Variants in DSG2 observed in about 807,000 individuals in gnomAD.
DSG2 encodes the protein desmoglein 2.
In DSG2, 45 loss-of-function variants were observed where a neutral mutation model predicts 75.6. That is an observed-to-expected ratio of 0.60 (90% confidence interval 0.47 to 0.76). The LOEUF (loss-of-function observed/expected upper bound fraction) is 0.76. DSG2 is among the 30% of genes least tolerant of loss of function. DSG2 has a pLI of 0.00. For missense variants in DSG2, 1,267 were observed against 1,357.4 expected (o/e 0.93, Z 1.05); for synonymous variants, 429 against 483.9 (o/e 0.89, Z 1.49).
At chr18:31,519,733 T>C in intron 2 of DSG2, 70 bp from the exon 3 acceptor site, 1 of 1,535,890 alleles carries the variant, frequency 6.5e-7, no homozygotes, top group Non-Finnish European at 9.0e-7. Flanking sequence ...TTTATTATGT[T>C]ATAGGACAGC....
intron 1 of DSG2, among the ~76,000 whole-genome samples, chr18:31,507,395 C>A (rs1282119272): frequency 1.3e-5 from 2 of 152,168 alleles, no homozygotes; most frequent in African/African-American, 4.8e-5. Context: ...CATATGTGTG[C>A]ATGTGTCTTT....
chr18:31,538,891 G>T lies in DSG2; in HGVS notation c.1792G>T (p.Gly598Cys). 2 of 1,614,132 alleles carry T rather than the reference G, an allele frequency of 1.2e-6. No homozygotes were observed. The highest frequency in any genetic ancestry group is 1.7e-6 in the Non-Finnish European group (2 of 1,180,034). The change falls in exon 12 of 15, where the codon GGC (glycine) becomes TGC (cysteine). Residue 598 changes from glycine to cysteine, a missense_variant. By Grantham distance (159) the Gly-to-Cys change is radical. Transcript: ENST00000261590. ...LTVCECLHGS[G>C]CREAQHDSYV... is the part of the protein sequence containing the mutation. ...AGTTTGTGAGTGTCTGCATGGCAGC[G>T]GCTGCAGGGAAGCACAGCATGACTC...
At chr18:31,512,611 A>C (rs190226314) in intron 1 of DSG2, among the ~76,000 whole-genome samples, 7 of 152,350 alleles carry the variant, frequency 4.6e-5, no homozygotes, top group Non-Finnish European at 1.0e-4. Flanking sequence ...TAAAACCCAA[A>C]GTCCTCTCCC....
In DSG2 at chr18:31,501,562, A is replaced by G. The variant is rs115500955; in HGVS notation, c.45+3266A>G. Reference sequence around the variant, plus strand: ...CCCTCCTTTCCTCTTCCAAGTGCATACTGGTTTGTTGGCAATCTTTGTCAT... The same window carrying G: ...CCCTCCTTTCCTCTTCCAAGTGCATGCTGGTTTGTTGGCAATCTTTGTCAT... On this transcript the variant is annotated intron_variant, in intron 1 of 14. Coordinates refer to ENST00000261590, the MANE Select transcript of DSG2 (RefSeq NM_001943.5). 7.9e-3 allele frequency among the ~76,000 whole-genome samples: 1,195 copies of G among 152,162 alleles called. 14 individuals carry two copies. The highest frequency in any genetic ancestry group is 0.027 in the African/African-American group (1,109 of 41,490).
intron 3 of DSG2, 87 bp downstream of exon 3, chr18:31,520,024 A>G: frequency 6.6e-7 from 1 of 1,525,036 alleles, no homozygotes; most frequent in Non-Finnish European, 9.1e-7. Context: ...AGATTTAAGG[A>G]AAATGTATGA....
intron 9 of DSG2, among the ~76,000 whole-genome samples, chr18:31,531,925 C>T (rs1033785755): frequency 2.6e-5 from 4 of 152,324 alleles, no homozygotes; most frequent in African/African-American, 9.6e-5. Flanking sequence ...TGCCGTGCCA[C>T]GGAAAGACCA....
chr18:31,527,787 T>C (rs925744559), intron 8 of DSG2, among the ~76,000 whole-genome samples: 1 of 152,186 alleles, frequency 6.6e-6, no homozygotes, highest in African/African-American at 2.4e-5. Flanking sequence ...CAACAGAAAT[T>C]TATTTCTCAC....
Position 31,542,541 on chromosome 18 carries a change from G to A in DSG2, c.2023G>A (p.Val675Met). 1 of 1,614,084 alleles carries A rather than the reference G, an allele frequency of 6.2e-7. No individual in the cohort carries two copies. Among genetic ancestry groups the A allele is most frequent in the Non-Finnish European group, 8.5e-7 (1 of 1,180,034 alleles). ...EDKVVPSFLP[V>M]DQGGSLVGRN... ...ACAGGTGGTGCCATCATTTCTGCCA[G>A]TGGATCAAGGGGGCAGTCTAGTAGG... Residue 675 changes from valine to methionine, a missense_variant, in exon 14 of 15, where the codon GTG becomes ATG. By Grantham distance (21) the Val-to-Met change is conservative. Transcript: ENST00000261590.
At chr18:31,498,957 T>A (rs1266843523) in intron 1 of DSG2, among the ~76,000 whole-genome samples, 1 of 152,148 alleles carries the variant, frequency 6.6e-6, no homozygotes, top group Non-Finnish European at 1.5e-5. Context: ...GCCTTATTCA[T>A]TTAAAAGGTT....
intron 8 of DSG2, among the ~76,000 whole-genome samples, chr18:31,529,927 T>C (rs1339610685): frequency 6.6e-6 from 1 of 152,108 alleles, no homozygotes; most frequent in Non-Finnish European, 1.5e-5. Context: ...ATAGCCCAAA[T>C]GCCTAATTAT....
In DSG2 at chr18:31,535,267, C is replaced by G. The variant is rs924912536; in HGVS notation, c.1281-3C>G. The G allele has an allele frequency of 1.3e-6, 2 of 1,567,952 alleles. No individual in the cohort carries two copies. The highest frequency in any genetic ancestry group is 1.8e-6 in the Non-Finnish European group (2 of 1,141,086). On this transcript the variant is annotated splice_polypyrimidine_tract_variant and splice_region_variant and intron_variant, in intron 9 of 14. Coordinates refer to ENST00000261590, the MANE Select transcript of DSG2 (RefSeq NM_001943.5). ...AATTAATTTTATGTTTGTTTTATGA[C>G]AGATATGTAAAATTAGAAGATAGAG...
At chr18:31,518,059 G>T (rs929017592) in intron 1 of DSG2, among the ~76,000 whole-genome samples, 180 bp from the exon 2 acceptor site, 2 of 152,072 alleles carry the variant, frequency 1.3e-5, no homozygotes, top group African/African-American at 4.8e-5. Flanking sequence ...ATTTCTCCTC[G>T]GGCACTTCCC....
At chr18:31,545,459 T>TA (rs1356328156) in intron 14 of DSG2, among the ~76,000 whole-genome samples, 2 of 152,194 alleles carry the variant, frequency 1.3e-5, no homozygotes, top group African/African-American at 2.4e-5. Flanking sequence ...GCATTCCATT[T>TA]AGTTGTCCTG....
chr18:31,541,130 C>G, intron 12 of DSG2, 63 bp from the exon 13 acceptor site: 1 of 1,608,484 alleles, frequency 6.2e-7, no homozygotes, highest in Admixed American at 1.7e-5. Flanking sequence ...CAAAATTGTG[C>G]AATATAAATT....
At chr18:31,526,442 A>G (rs1250668033) in intron 8 of DSG2, among the ~76,000 whole-genome samples, 2 of 152,316 alleles carry the variant, frequency 1.3e-5, no homozygotes, top group African/African-American at 4.8e-5. Context: ...GACAGCTACT[A>G]TATGCATTTA....
chr18:31,548,603 A>G lies in DSG2; in HGVS notation c.*1860A>G, dbSNP rs1241227504. On this transcript the variant is annotated 3_prime_UTR_variant, in exon 15 of 15. Coordinates refer to ENST00000261590, the MANE Select transcript of DSG2 (RefSeq NM_001943.5). ...ATCAGTTTTATTTTGCCAAGTATGC[A>G]ACAGGTATATCACTAGTATATGAAA... 1 of 152,204 alleles carries G rather than the reference A, an allele frequency of 6.6e-6. No homozygotes were observed. The highest frequency in any genetic ancestry group is 2.4e-5 in the African/African-American group (1 of 41,454). 9.4% of individuals were successfully genotyped at this position (152,204 alleles called of 1,614,324 possible).
chr18:31,539,726 G>T (rs965226887), intron 12 of DSG2, among the ~76,000 whole-genome samples: 9 of 152,190 alleles, frequency 5.9e-5, no homozygotes, highest in Admixed American at 4.6e-4. Context: ...TAGACAAGGG[G>T]TCCCCAACCC....
chr18:31,541,516 T>G (rs1012126397), intron 13 of DSG2, among the ~76,000 whole-genome samples: 1 of 152,220 alleles, frequency 6.6e-6, no homozygotes, highest in Non-Finnish European at 1.5e-5. Flanking sequence ...TTACTCTGTT[T>G]TGACACTTCC....
intron 6 of DSG2, 152 bp downstream of exon 6, chr18:31,522,401 A>T (rs903279525): frequency 1.4e-6 from 1 of 738,478 alleles, no homozygotes; most frequent in South Asian, 1.8e-5. Context: ...GTGCTGTCCA[A>T]TATGGGCCAT....
Sources: gnomAD v4.1 joint callset for allele counts (sites outside exome capture counted in the v4.1 genomes callset) on GRCh38, gnomAD v4.1.1 for gene constraint, MANE v1.5 for transcripts, NCBI Gene and HGNC (gene_info 2026-07-23, HGNC 2026-07-21) for gene names.